C12orf42: variants seen among roughly 807,000 people sequenced by gnomAD.
The protein encoded by C12orf42 is chromosome 12 open reading frame 42.
In C12orf42, 25 loss-of-function variants were observed where a neutral mutation model predicts 21.6. That is an observed-to-expected ratio of 1.16 (90% confidence interval 0.84 to 1.62). C12orf42 has a LOEUF of 1.62. Ranked by LOEUF, C12orf42 falls within the 40% of genes most tolerant of loss-of-function variation. The probability of loss-of-function intolerance (pLI) is 0.00; values close to 1 mark genes in which losing one functional copy is unlikely to be tolerated. For missense variants in C12orf42, 483 were observed against 459.3 expected, an observed-to-expected ratio of 1.05 and a Z score of -0.47; for synonymous variants, 174 against 175.0, an observed-to-expected ratio of 0.99 and a Z score of 0.05.
chr12:103,129,390 T>A, the C12orf42 span, among the ~76,000 whole-genome samples: 1 of 152,136 alleles, frequency 6.6e-6, no homozygotes, highest in East Asian at 1.9e-4. Context: ...CTGAGTTAGG[T>A]AAAAGGAAAG....
At chr12:103,250,863 T>C (rs1001679808) in intron 10 of C12orf42, among the ~76,000 whole-genome samples, 1 of 150,494 alleles carries the variant, frequency 6.6e-6, no homozygotes, top group Admixed American at 6.6e-5. Context: ...ACCCTTGAGA[T>C]TCTTTTATCA....
intron 1 of C12orf42, among the ~76,000 whole-genome samples, chr12:103,480,758 AGATTT>A (rs1461626425): frequency 1.3e-5 from 2 of 151,800 alleles, no homozygotes; most frequent in East Asian, 3.9e-4. Flanking sequence ...TTCAAAAATA[AGATTT>A]GTTTGATATC....
At chr12:103,396,062 C>G (rs1566232871) in intron 3 of C12orf42, among the ~76,000 whole-genome samples, 3 of 149,336 alleles carry the variant, frequency 2.0e-5, no homozygotes, top group African/African-American at 7.3e-5. Flanking sequence ...CATATATCAA[C>G]TATTATGTTA....
intron 2 of C12orf42, among the ~76,000 whole-genome samples, chr12:103,442,510 T>C (rs781178412): frequency 1.5e-4 from 23 of 152,124 alleles, no homozygotes; most frequent in Admixed American, 5.2e-4. Flanking sequence ...AATGGGGCCT[T>C]AGCCTATTCT....
exon 11 of C12orf42, chr12:103,237,737 CT>C (rs1200790133): frequency 2.0e-5 from 3 of 152,244 alleles, no homozygotes; most frequent in Non-Finnish European, 4.4e-5. Context: ...CTTGGCTCTC[CT>C]CCTTGTGCTT....
chr12:103,212,459 A>C, the C12orf42 span, among the ~76,000 whole-genome samples: 4 of 152,104 alleles, frequency 2.6e-5, no homozygotes, highest in African/African-American at 9.7e-5. Context: ...TGCTAACTAC[A>C]TCTCTCTGGT....
intron 2 of C12orf42, among the ~76,000 whole-genome samples, chr12:103,402,815 C>T (rs1035897393): frequency 3.3e-5 from 5 of 152,048 alleles, no homozygotes; most frequent in African/African-American, 9.7e-5. Flanking sequence ...GATGTTGACA[C>T]GAGAAGTAGA....
At chr12:103,254,447 A>G (rs940343769) in intron 10 of C12orf42, among the ~76,000 whole-genome samples, 6 of 152,158 alleles carry the variant, frequency 3.9e-5, no homozygotes, top group Non-Finnish European at 7.4e-5. Context: ...GCATCACATT[A>G]CCTCACTTCA....
the C12orf42 span, among the ~76,000 whole-genome samples, chr12:103,070,874 A>G: frequency 6.6e-6 from 1 of 152,224 alleles, no homozygotes; most frequent in South Asian, 2.1e-4. Flanking sequence ...CACTGAAAAT[A>G]TATCTTCAAG....
At chr12:103,435,805 G>C (rs1383946546) in intron 2 of C12orf42, among the ~76,000 whole-genome samples, 3 of 152,108 alleles carry the variant, frequency 2.0e-5, no homozygotes, top group Non-Finnish European at 2.9e-5. Context: ...GGGGAGAATG[G>C]AACCAAGTTG....
At chr12:103,098,122 T>C in the C12orf42 span, among the ~76,000 whole-genome samples, 1 of 152,370 alleles carries the variant, frequency 6.6e-6, no homozygotes, top group Admixed American at 6.5e-5. Context: ...TAAGGAAATT[T>C]CTATCTGCAA....
chr12:103,533,584 T>C, the C12orf42 span, among the ~76,000 whole-genome samples: 1 of 152,224 alleles, frequency 6.6e-6, no homozygotes, highest in Non-Finnish European at 1.5e-5. Context: ...TGAAGCTACA[T>C]TTGAAAGCAA....
At chr12:103,462,064 G>A (rs896281034) in intron 2 of C12orf42, among the ~76,000 whole-genome samples, 3 of 71,654 alleles carry the variant, frequency 4.2e-5, no homozygotes, top group Admixed American at 1.5e-4. Flanking sequence ...AAAGCTGGAT[G>A]TTATTTCCAT....
At chr12:103,556,512 C>T in the C12orf42 span, among the ~76,000 whole-genome samples, 12 of 152,244 alleles carry the variant, frequency 7.9e-5, no homozygotes, top group Admixed American at 7.2e-4. Flanking sequence ...AAGTGCCAAC[C>T]TATTTTTTGG....
At chr12:103,267,789 T>C (rs549348638), downstream of C12orf42, 2 of 152,040 alleles carry the variant, frequency 1.3e-5, no homozygotes, top group East Asian at 1.9e-4. Context: ...AGGAGTAACA[T>C]CTAACAGGAA....
At chr12:103,459,955 C>T (rs1952577325) in intron 2 of C12orf42, among the ~76,000 whole-genome samples, 1 of 152,110 alleles carries the variant, frequency 6.6e-6, no homozygotes, top group African/African-American at 2.4e-5. Context: ...CCTCAGCAAC[C>T]TTGAAAGCTG....
chr12:103,412,844 T>C (rs902975580), intron 2 of C12orf42, among the ~76,000 whole-genome samples: 8 of 152,232 alleles, frequency 5.3e-5, no homozygotes, highest in African/African-American at 1.7e-4. Flanking sequence ...AAGTTCCATA[T>C]AGATTCTGGA....
chr12:103,544,172 C>G, the C12orf42 span, among the ~76,000 whole-genome samples: 3 of 152,060 alleles, frequency 2.0e-5, no homozygotes, highest in Admixed American at 2.0e-4. Flanking sequence ...TGTGAGCCAC[C>G]GTGCCCGGCC....
chr12:103,053,364 T>C, the C12orf42 span, among the ~76,000 whole-genome samples: 1 of 152,072 alleles, frequency 6.6e-6, no homozygotes, highest in East Asian at 1.9e-4. Flanking sequence ...GAACATCTTT[T>C]CATGGGCTTA....
Sources: allele counts gnomAD v4.1 joint callset (sites outside exome capture counted in the v4.1 genomes callset), GRCh38; gene constraint gnomAD v4.1.1; transcripts MANE v1.5; gene names NCBI Gene and HGNC (gene_info 2026-07-23, HGNC 2026-07-21).